The following CHD4 variants were observed in gnomAD, a reference collection of about 807,000 sequenced individuals.
The protein encoded by CHD4 is chromodomain helicase DNA binding protein 4, also known as ATP-dependent chromatin remodeler CHD4.
CHD4 carries 35 observed loss-of-function variants against 235.5 expected under a neutral mutation model. The ratio of observed to expected loss-of-function variants is 0.15; its 90% CI spans 0.11 to 0.20. CHD4 has a LOEUF of 0.20. Ranked by LOEUF, CHD4 falls within the 10% of genes least tolerant of loss-of-function variation. The pLI, the probability that CHD4 is intolerant of heterozygous loss-of-function variation, is 1.00. For missense variants in CHD4, 1,329 were observed against 2,432.3 expected (o/e 0.55, Z 9.54); for synonymous variants, 900 against 850.2 (o/e 1.06, Z -1.02).
intron 37 of CHD4, 128 bp downstream of exon 37, chr12:6,577,657 G>C (rs1343560438): frequency 6.2e-6 from 8 of 1,282,342 alleles, no homozygotes; most frequent in Middle Eastern, 3.8e-4. Context: ...AGTTACTTGG[G>C]AGCAAAGCCT....
At chr12:6,606,041 A>T (rs1948689539) in intron 2 of CHD4, among the ~76,000 whole-genome samples, 1 of 152,212 alleles carries the variant, frequency 6.6e-6, no homozygotes, top group Non-Finnish European at 1.5e-5. Context: ...GGAACTGCAG[A>T]GCATTCCTCA....
chr12:6,582,266 A>G lies in CHD4; in HGVS notation c.4386T>C (p.Leu1462=), dbSNP rs1441094793. 1.6e-5 allele frequency: 25 copies of G among 1,591,946 alleles called. No homozygotes were observed. Among genetic ancestry groups the G allele is most frequent in the East Asian group, 1.6e-4 (7 of 44,598 alleles). Residue 1462 remains leucine, a synonymous_variant, in exon 30 of 40, where the codon CTT becomes CTC. Transcript: ENST00000544040. Reference sequence around the variant, plus strand: ...CCGGCTCACATAAATGCCGCATGAAAAGAGAGACATATGCCCTGTGTAAAG... The same window carrying G: ...CCGGCTCACATAAATGCCGCATGAAGAGAGAGACATATGCCCTGTGTAAAG... ...SEKEFKAYVS[L]FMRHLCEPGA...
chr12:6,595,909 G>C, intron 13 of CHD4, 97 bp downstream of exon 13: 2 of 1,358,684 alleles, frequency 1.5e-6, no homozygotes, highest in Non-Finnish European at 2.0e-6. Flanking sequence ...AGTGAGTCAA[G>C]ATCACGCCAC....
At chr12:6,578,763 G>T in intron 34 of CHD4, 83 bp downstream of exon 34, 1 of 1,435,128 alleles carries the variant, frequency 7.0e-7, no homozygotes, top group Non-Finnish European at 9.8e-7. Context: ...AGATGAGTAT[G>T]GACAGGGAGG....
intron 39 of CHD4, 83 bp downstream of exon 39, chr12:6,570,786 T>C: frequency 6.2e-7 from 1 of 1,612,298 alleles, no homozygotes. Context: ...ACCCAGTATG[T>C]AAAGCTAGGG....
chr12:6,600,998 C>T lies in CHD4; in HGVS notation c.855G>A (p.Lys285=). 1 of 1,607,570 alleles carries T rather than the reference C, an allele frequency of 6.2e-7. No individual in the cohort carries two copies. Among genetic ancestry groups the T allele is most frequent in the East Asian group, 2.2e-5 (1 of 44,830 alleles). ...KGSPRVPDAK[K]PKPKKVAPLK... ...GGGGAGCTACTTTCTTGGGTTTAGGCTTCTTGGCATCAGGTACACGAGGGC... is the reference window on the plus strand; with the variant it reads ...GGGGAGCTACTTTCTTGGGTTTAGGTTTCTTGGCATCAGGTACACGAGGGC... The change falls in exon 7 of 40, where the codon AAG becomes AAA. Residue 285 remains lysine, a synonymous_variant. Coordinates refer to ENST00000544040, the MANE Select transcript of CHD4 (RefSeq NM_001273.5).
intron 12 of CHD4, among the ~76,000 whole-genome samples, chr12:6,596,751 G>A (rs1307672425): frequency 6.6e-6 from 1 of 151,908 alleles, no homozygotes; most frequent in Non-Finnish European, 1.5e-5. Flanking sequence ...AGCAAGCTGA[G>A]ATTGCGCCAC....
rs1565619053 is a variant in CHD4, at chr12:6,601,981, C to CATCA, written c.416_417insTGAT (p.Glu139AspfsTer4). The CATCA allele has an allele frequency of 2.6e-6, 4 of 1,561,342 alleles. No individual in the cohort carries two copies. In the Admixed American group the frequency reaches 6.8e-5, roughly 27 times the overall value. On this transcript the variant is annotated frameshift_variant, in exon 4 of 40. Transcript: ENST00000544040. LOFTEE classifies it high-confidence loss of function. ...GCACCTTTGAATCATCATCATCATC[C>CATCA]TCCTCCTCCTCCTCCTCCTTCCGCT...
At chr12:6,574,672 G>A (rs896005077) in intron 37 of CHD4, among the ~76,000 whole-genome samples, 3 of 152,136 alleles carry the variant, frequency 2.0e-5, no homozygotes, top group African/African-American at 4.8e-5. Flanking sequence ...GATGGGGGTC[G>A]GTAGTGGGAG....
chr12:6,571,057 T>C lies in CHD4; in HGVS notation c.5558-25A>G, dbSNP rs200362476. Reference sequence around the variant, plus strand: ...ACTGCATAGGGAGAAAAAGAGGTGGTGAGCTGTGGTGGCCCAGACTGAGCT... The same window carrying C: ...ACTGCATAGGGAGAAAAAGAGGTGGCGAGCTGTGGTGGCCCAGACTGAGCT... On this transcript the variant is annotated intron_variant, in intron 38 of 39. Coordinates refer to ENST00000544040, the MANE Select transcript of CHD4 (RefSeq NM_001273.5). The C allele has an allele frequency of 1.7e-4, 271 of 1,610,702 alleles. 1 individual carries two copies. Among genetic ancestry groups the C allele is most frequent in the Non-Finnish European group, 3.1e-5 (37 of 1,178,130 alleles).
chr12:6,594,746 T>A (rs911756596), intron 14 of CHD4, 96 bp from the exon 15 acceptor site: 48 of 1,145,812 alleles, frequency 4.2e-5, no homozygotes, highest in Non-Finnish European at 5.7e-5. Context: ...TCACGGATCC[T>A]CTTGGGGAAG....
At chr12:6,574,169 T>C (rs377109723) in intron 37 of CHD4, among the ~76,000 whole-genome samples, 1 of 152,240 alleles carries the variant, frequency 6.6e-6, no homozygotes. Context: ...CTGTTTCTGT[T>C]TCCTATGTAT....
intron 22 of CHD4, among the ~76,000 whole-genome samples, chr12:6,588,779 C>CAA (rs779193138): frequency 8.4e-5 from 11 of 130,392 alleles, no homozygotes; most frequent in African/African-American, 2.3e-4. Flanking sequence ...AACTCCATCT[C>CAA]AAAAAAAAAA....
intron 39 of CHD4, 21 bp downstream of exon 39, chr12:6,570,848 T>G (rs750157676): frequency 6.2e-7 from 1 of 1,613,736 alleles, no homozygotes; most frequent in South Asian, 1.1e-5. Flanking sequence ...AGAGGTGGTG[T>G]CAAGAAGAAA....
At chr12:6,581,951 C>T (rs895968221) in intron 30 of CHD4, 137 bp from the exon 31 acceptor site, 10 of 1,186,272 alleles carry the variant, frequency 8.4e-6, no homozygotes, top group Middle Eastern at 3.0e-4. Flanking sequence ...TACAGGTGCC[C>T]GCCACCACGT....
At chr12:6,576,515 A>G (rs1192447893) in intron 37 of CHD4, among the ~76,000 whole-genome samples, 1 of 152,192 alleles carries the variant, frequency 6.6e-6, no homozygotes, top group Non-Finnish European at 1.5e-5. Context: ...GGGTTTTGCC[A>G]TGTTGCCCGA....
At chr12:6,587,672 C>A (rs1948323831) in intron 24 of CHD4, 40 bp downstream of exon 24, 3 of 1,608,478 alleles carry the variant, frequency 1.9e-6, no homozygotes, top group Non-Finnish European at 2.6e-6. Flanking sequence ...TTTAGAGAGG[C>A]CAAGCCCCAC....
chr12:6,572,886 A>AG (rs1948001202), intron 38 of CHD4, 188 bp downstream of exon 38: 4 of 540,642 alleles, frequency 7.4e-6, no homozygotes, highest in Non-Finnish European at 1.2e-5. Flanking sequence ...AAAAAAAAAA[A>AG]AAGGCAAAGA....
chr12:6,599,652 G>T, intron 10 of CHD4, 121 bp downstream of exon 10: 1 of 1,240,990 alleles, frequency 8.1e-7, no homozygotes. Context: ...GGATGAAGGA[G>T]AATACCTTTC....
Sources: gnomAD v4.1 joint callset for allele counts (sites outside exome capture counted in the v4.1 genomes callset) on GRCh38, gnomAD v4.1.1 for gene constraint, MANE v1.5 for transcripts, NCBI Gene and HGNC (gene_info 2026-07-23, HGNC 2026-07-21) for gene names.